The following MEOX2 variants were observed in gnomAD, a reference collection of about 807,000 sequenced individuals.
MEOX2 encodes homeobox protein MOX-2.
In MEOX2, 11 loss-of-function variants were observed where a neutral mutation model predicts 27.0. The observed-to-expected ratio is 0.41, with a 90% confidence interval of 0.26 to 0.68. MEOX2 has a LOEUF of 0.68. MEOX2 is among the 30% of genes least tolerant of loss of function. MEOX2 has a pLI of 0.33. For synonymous variants in MEOX2, 189 were observed against 155.4 expected (o/e 1.22, Z -1.61); for missense variants, 436 against 385.4 (o/e 1.13, Z -1.10).
At chr7:15,630,797 C>T (rs995648402) in intron 1 of MEOX2, among the ~76,000 whole-genome samples, 59 of 152,048 alleles carry the variant, frequency 3.9e-4, no homozygotes, top group African/African-American at 1.3e-3. Context: ...TCTATTGGTG[C>T]TAGTAATTTT....
chr7:15,655,081 AT>A (rs1156765573), intron 1 of MEOX2, among the ~76,000 whole-genome samples: 4 of 151,574 alleles, frequency 2.6e-5, no homozygotes, highest in African/African-American at 4.8e-5. Context: ...CTATTCAAAA[AT>A]TTTTTTCATA....
intron 1 of MEOX2, among the ~76,000 whole-genome samples, chr7:15,638,163 C>A (rs1336646833): frequency 1.3e-5 from 2 of 151,972 alleles, no homozygotes; most frequent in Non-Finnish European, 2.9e-5. Context: ...TTTAAAAGAT[C>A]CACAATCCTC....
chr7:15,618,954 G>A (rs1456856625), intron 2 of MEOX2, among the ~76,000 whole-genome samples: 5 of 151,944 alleles, frequency 3.3e-5, no homozygotes, highest in East Asian at 1.9e-4. Flanking sequence ...AAAGGGATCT[G>A]AAGTTCAAAG....
intron 1 of MEOX2, among the ~76,000 whole-genome samples, chr7:15,667,780 G>A (rs1583783751): frequency 6.6e-6 from 1 of 152,286 alleles, no homozygotes; most frequent in South Asian, 2.1e-4. Context: ...ATTAAGAGAT[G>A]TAAAAGGAGA....
chr7:15,635,884 G>C (rs1025865890), intron 1 of MEOX2, among the ~76,000 whole-genome samples: 1 of 151,952 alleles, frequency 6.6e-6, no homozygotes, highest in Admixed American at 6.6e-5. Flanking sequence ...CACTTTACAA[G>C]GCTTAGTGGT....
intron 1 of MEOX2, among the ~76,000 whole-genome samples, chr7:15,658,959 A>T (rs1308143856): frequency 6.6e-6 from 1 of 152,188 alleles, no homozygotes; most frequent in Non-Finnish European, 1.5e-5. Flanking sequence ...TCTATCTTTC[A>T]GAAATTCCTT....
chr7:15,630,866 TCA>T (rs1251757872), intron 1 of MEOX2, among the ~76,000 whole-genome samples: 1 of 151,962 alleles, frequency 6.6e-6, no homozygotes, highest in Non-Finnish European at 1.5e-5. Context: ...CTACTCCAGC[TCA>T]TTAATGAGTG....
At chr7:15,638,851 A>G (rs1394075617) in intron 1 of MEOX2, among the ~76,000 whole-genome samples, 1 of 152,158 alleles carries the variant, frequency 6.6e-6, no homozygotes, top group Non-Finnish European at 1.5e-5. Context: ...CATGGTGCAT[A>G]TATATCACAA....
At chr7:15,684,401 T>C (rs1432713759) in intron 1 of MEOX2, among the ~76,000 whole-genome samples, 1 of 152,200 alleles carries the variant, frequency 6.6e-6, no homozygotes, top group Admixed American at 6.5e-5. Context: ...AGAGTTTCAC[T>C]TATAGTTAGG....
chr7:15,663,974 A>C (rs1781957511), intron 1 of MEOX2, among the ~76,000 whole-genome samples: 1 of 152,232 alleles, frequency 6.6e-6, no homozygotes, highest in South Asian at 2.1e-4. Context: ...AACTGATTTG[A>C]GAAGTTTATC....
intron 1 of MEOX2, among the ~76,000 whole-genome samples, chr7:15,685,601 GATTTCAC>G (rs1782367149): frequency 6.6e-6 from 1 of 152,184 alleles, no homozygotes; most frequent in African/African-American, 2.4e-5. Flanking sequence ...CTTCACAATC[GATTTCAC>G]AGCCACTTGT....
intron 2 of MEOX2, among the ~76,000 whole-genome samples, chr7:15,614,746 T>G (rs1393370666): frequency 2.0e-5 from 3 of 152,174 alleles, no homozygotes; most frequent in Non-Finnish European, 2.9e-5. Context: ...TTCTGTTTCA[T>G]TCTTCTACGT....
intron 1 of MEOX2, among the ~76,000 whole-genome samples, chr7:15,661,922 T>C (rs1375538768): frequency 6.6e-6 from 1 of 152,166 alleles, no homozygotes; most frequent in Non-Finnish European, 1.5e-5. Context: ...TAAAATTGCA[T>C]TATGCAATGG....
chr7:15,683,179 C>T (rs1782319674), intron 1 of MEOX2, among the ~76,000 whole-genome samples: 1 of 151,882 alleles, frequency 6.6e-6, no homozygotes, highest in Non-Finnish European at 1.5e-5. Context: ...TCAATACTTT[C>T]TGGTGCTTAA....
At chr7:15,658,515 C>G (rs1781860616) in intron 1 of MEOX2, among the ~76,000 whole-genome samples, 1 of 152,108 alleles carries the variant, frequency 6.6e-6, no homozygotes, top group Non-Finnish European at 1.5e-5. Flanking sequence ...TTCTTCAATT[C>G]TGGTATTAAT....
intron 1 of MEOX2, among the ~76,000 whole-genome samples, chr7:15,636,980 C>A (rs563815108): frequency 6.6e-6 from 1 of 151,946 alleles, no homozygotes; most frequent in South Asian, 2.1e-4. Flanking sequence ...AGCACTGTTG[C>A]CCTGGGGATC....
chr7:15,681,178 T>C (rs1316185715), intron 1 of MEOX2: 1 of 151,900 alleles, frequency 6.6e-6, no homozygotes, highest in African/African-American at 2.4e-5. Context: ...GCAGCCCTCA[T>C]AGCAGTGCTT....
chr7:15,619,594 G>C (rs1781184618), intron 2 of MEOX2, among the ~76,000 whole-genome samples: 2 of 151,854 alleles, frequency 1.3e-5, no homozygotes, highest in Non-Finnish European at 2.9e-5. Flanking sequence ...TTGTGTGTGT[G>C]TGTATATATA....
chr7:15,670,065 C>G (rs1782070890), intron 1 of MEOX2, among the ~76,000 whole-genome samples: 1 of 152,164 alleles, frequency 6.6e-6, no homozygotes. Context: ...TTTCCTGCTT[C>G]CAAAATTCTA....
Sources: gnomAD v4.1 joint callset for allele counts (sites outside exome capture counted in the v4.1 genomes callset) on GRCh38, gnomAD v4.1.1 for gene constraint, MANE v1.5 for transcripts, NCBI Gene and HGNC (gene_info 2026-07-23, HGNC 2026-07-21) for gene names.